The following CNTN5 variants were observed in gnomAD, a reference collection of about 807,000 sequenced individuals.
CNTN5 encodes contactin-5.
A neutral mutation model predicts 129.1 loss-of-function variants in CNTN5; 77 were observed. That is an observed-to-expected ratio of 0.60 (90% CI 0.50 to 0.72). CNTN5 has a LOEUF of 0.72. CNTN5 is among the 30% of genes least tolerant of loss of function. The pLI is 0.00. For missense variants in CNTN5, 1,478 were observed against 1,328.8 expected (o/e 1.11, Z -1.75); for synonymous variants, 509 against 465.6 (o/e 1.09, Z -1.20).
At chr11:99,807,474 C>T (rs568428089) in intron 3 of CNTN5, among the ~76,000 whole-genome samples, 90 of 152,218 alleles carry the variant, frequency 5.9e-4, no homozygotes, top group African/African-American at 2.0e-3. Flanking sequence ...TTAAATGCTT[C>T]TGAAGGACAT....
chr11:99,171,094 A>G (rs554852653), intron 1 of CNTN5, among the ~76,000 whole-genome samples: 1 of 152,268 alleles, frequency 6.6e-6, no homozygotes, highest in African/African-American at 2.4e-5. Context: ...CTTGTAATCC[A>G]AAGTATTGCA....
intron 14 of CNTN5, 59 bp from the exon 15 acceptor site, chr11:100,193,429 A>G (rs747234108): frequency 2.4e-5 from 27 of 1,105,466 alleles, no homozygotes; most frequent in Admixed American, 3.2e-5. Context: ...CAAGCAAAAT[A>G]TTATGTATGG....
chr11:99,122,223 C>G (rs986670682), intron 1 of CNTN5, among the ~76,000 whole-genome samples: 1 of 151,894 alleles, frequency 6.6e-6, no homozygotes, highest in Non-Finnish European at 1.5e-5. Context: ...ATTTACTATC[C>G]CTTGCTTTAG....
chr11:99,595,171 A>T (rs1302226485), intron 3 of CNTN5, among the ~76,000 whole-genome samples: 1 of 152,264 alleles, frequency 6.6e-6, no homozygotes, highest in South Asian at 2.1e-4. Context: ...ATAGCAAAGA[A>T]CAATGTACTG....
chr11:99,774,873 A>T (rs576632006), intron 3 of CNTN5, among the ~76,000 whole-genome samples: 287 of 152,120 alleles, frequency 1.9e-3, no homozygotes, highest in Non-Finnish European at 3.4e-3. Context: ...TTAAAAAAAA[A>T]TTTTCTTTCA....
At chr11:100,240,829 G>T (rs1003223174) in intron 16 of CNTN5, among the ~76,000 whole-genome samples, 2 of 152,178 alleles carry the variant, frequency 1.3e-5, no homozygotes, top group African/African-American at 4.8e-5. Flanking sequence ...TTGTCCTAGT[G>T]TGTCATTGGA....
intron 2 of CNTN5, among the ~76,000 whole-genome samples, chr11:99,550,604 A>T (rs1231779980): frequency 6.6e-6 from 1 of 152,178 alleles, no homozygotes; most frequent in African/African-American, 2.4e-5. Flanking sequence ...TCCTTTCACC[A>T]AAATTTACAT....
intron 2 of CNTN5, among the ~76,000 whole-genome samples, chr11:99,475,968 T>A (rs1298605298): frequency 1.3e-5 from 2 of 152,216 alleles, no homozygotes; most frequent in Non-Finnish European, 2.9e-5. Context: ...CCAGGCTTCA[T>A]CTGATCTTTG....
intron 6 of CNTN5, among the ~76,000 whole-genome samples, chr11:99,867,715 A>G (rs2135796081): frequency 6.6e-6 from 1 of 152,218 alleles, no homozygotes; most frequent in Admixed American, 6.5e-5. Context: ...AATCCAGTAG[A>G]ATCTCTCTAT....
At chr11:100,286,708 T>G (rs1353151349) in intron 18 of CNTN5, among the ~76,000 whole-genome samples, 3 of 149,820 alleles carry the variant, frequency 2.0e-5, no homozygotes, top group African/African-American at 7.6e-5. Flanking sequence ...CCTCTCCTCC[T>G]CCAAAGGAAC....
chr11:100,191,176 C>T lies in CNTN5; in HGVS notation c.1631C>T (p.Ser544Leu). 1.1e-5 allele frequency: 18 copies of T among 1,611,034 alleles called. No individual in the cohort carries two copies. Among genetic ancestry groups the T allele is most frequent in the Non-Finnish European group, 1.5e-5 (18 of 1,177,736 alleles). ...GSLRILNASK[S>L]DEGKYVCRGE... ...CTACGGATCCTAAATGCTTCCAAATCAGACGAGGGAAAGTACGTTTGCCGA... is the reference window on the plus strand; with the variant it reads ...CTACGGATCCTAAATGCTTCCAAATTAGACGAGGGAAAGTACGTTTGCCGA... Residue 544 changes from serine (S) to leucine (L), a missense_variant, in exon 14 of 25, where the codon TCA becomes TTA. Ser to Leu is a moderately radical substitution (Grantham distance 145, BLOSUM62 -2). Coordinates refer to ENST00000524871, the MANE Select transcript of CNTN5 (RefSeq NM_014361.4).
chr11:99,824,829 T>C (rs915561499), intron 4 of CNTN5, among the ~76,000 whole-genome samples: 2 of 152,054 alleles, frequency 1.3e-5, no homozygotes, highest in Non-Finnish European at 2.9e-5. Flanking sequence ...CTCCACTGAT[T>C]TGTGAAACCA....
At chr11:99,676,975 A>G (rs1455559434) in intron 3 of CNTN5, among the ~76,000 whole-genome samples, 2 of 152,146 alleles carry the variant, frequency 1.3e-5, no homozygotes, top group Non-Finnish European at 2.9e-5. Flanking sequence ...GACATGTTTG[A>G]CTACACTTTT....
At chr11:100,317,957 C>A (rs575569351) in intron 21 of CNTN5, among the ~76,000 whole-genome samples, 48 of 152,104 alleles carry the variant, frequency 3.2e-4, no homozygotes, top group African/African-American at 9.9e-4. Context: ...AGAAGTATTT[C>A]TCGGCTGGGC....
chr11:99,526,353 C>A (rs1947484938), intron 2 of CNTN5, among the ~76,000 whole-genome samples: 1 of 152,140 alleles, frequency 6.6e-6, no homozygotes. Context: ...TTAGAACAGC[C>A]CAGAATAACC....
chr11:99,904,550 A>T (rs2135962694), intron 6 of CNTN5, among the ~76,000 whole-genome samples: 1 of 152,288 alleles, frequency 6.6e-6, no homozygotes, highest in East Asian at 1.9e-4. Flanking sequence ...ATTGATGGGC[A>T]TTTGAGCTAG....
At chr11:99,843,178 C>G (rs1022790180) in intron 4 of CNTN5, among the ~76,000 whole-genome samples, 1 of 152,234 alleles carries the variant, frequency 6.6e-6, no homozygotes, top group Non-Finnish European at 1.5e-5. Context: ...GAGCCAAGAT[C>G]GTGCCACTGC....
chr11:99,982,557 T>G (rs1471267854), intron 8 of CNTN5, among the ~76,000 whole-genome samples: 1 of 152,218 alleles, frequency 6.6e-6, no homozygotes, highest in Admixed American at 6.5e-5. Flanking sequence ...AGTTTGCTCT[T>G]GAAACAGACT....
intron 3 of CNTN5, among the ~76,000 whole-genome samples, chr11:99,710,495 T>C (rs77639167): frequency 0.085 from 12,895 of 151,750 alleles, 771 homozygotes; most frequent in Non-Finnish European, 0.13. Flanking sequence ...ATGGTAAGAC[T>C]GAATAGTTCA....
Sources: allele counts gnomAD v4.1 joint callset (sites outside exome capture counted in the v4.1 genomes callset), GRCh38; gene constraint gnomAD v4.1.1; transcripts MANE v1.5; gene names NCBI Gene and HGNC (gene_info 2026-07-23, HGNC 2026-07-21).